Variants in BCAS3 observed in about 807,000 individuals in gnomAD.
BCAS3 encodes BCAS4/BCAS3 fusion.
A neutral mutation model predicts 116.1 loss-of-function variants in BCAS3; 53 were observed. The observed-to-expected ratio is 0.46, with a 90% CI of 0.37 to 0.57. The LOEUF is 0.57. Among genes scored for constraint, BCAS3 ranks in the 20% least tolerant of loss-of-function variants. BCAS3 has a pLI of 0.00. For missense variants in BCAS3, 917 were observed against 1,165.4 expected (o/e 0.79, Z 3.10); for synonymous variants, 391 against 408.2 (o/e 0.96, Z 0.51).
chr17:61,086,788 A>G (rs565238318), intron 22 of BCAS3: 2 of 985,416 alleles, frequency 2.0e-6, no homozygotes, highest in African/African-American at 1.7e-5. Flanking sequence ...ACTTTGAGCT[A>G]AAGAAGCCTC....
intron 22 of BCAS3, among the ~76,000 whole-genome samples, chr17:61,090,303 A>C (rs1368722803): frequency 2.0e-5 from 3 of 152,236 alleles, no homozygotes; most frequent in Non-Finnish European, 4.4e-5. Flanking sequence ...TGATGATTAT[A>C]AAGTGACAAA....
rs1472573140 is a variant in BCAS3 at position 61,312,524 on chromosome 17, G to A, written c.2426-55803G>A. On this transcript the variant is annotated intron_variant, in intron 22 of 23. Coordinates refer to ENST00000407086, the MANE Select transcript of BCAS3 (RefSeq NM_017679.5). ...AACAGGCTTTTCTTTAACAGCAGAC[G>A]TTCATGTCTTCTTGCTCCAACTTTT... Among the ~76,000 whole-genome samples, 5 of 152,180 alleles carry A rather than the reference G, an allele frequency of 3.3e-5. No homozygotes were observed. In the East Asian group the frequency reaches 5.8e-4, roughly 18 times the overall value.
Position 61,346,242 on chromosome 17 carries a change from G to A in BCAS3, c.2426-22085G>A, listed in dbSNP as rs2057496793. On this transcript the variant is annotated intron_variant, in intron 22 of 23. Coordinates refer to ENST00000407086, the MANE Select transcript of BCAS3 (RefSeq NM_017679.5). The surrounding 1 kb of genome is among the most constrained non-coding windows in gnomAD (Gnocchi z 5.4). Reference sequence around the variant, plus strand: ...CTGGAAGATCATTTCTTTGGAAGAGGTGATGTCATCCACAAAGAGCATTTG... The same window carrying A: ...CTGGAAGATCATTTCTTTGGAAGAGATGATGTCATCCACAAAGAGCATTTG... 6.6e-6 allele frequency among the ~76,000 whole-genome samples: 1 copy of A among 152,192 alleles called. No homozygotes were observed. The highest frequency in any genetic ancestry group is 1.5e-5 in the Non-Finnish European group (1 of 68,038).
In BCAS3 at chr17:61,082,775, T is replaced by C. The variant is rs959687925; in HGVS notation, c.2328-1692T>C. ...CCGAGATGTGATGAGATTACCATGA[T>C]TGGCTTAGAAAAATTAGCTGGGGTG... is the stretch of plus-strand genomic sequence containing the variant. On this transcript the variant is annotated intron_variant, in intron 21 of 23. Transcript: ENST00000407086. The surrounding 1 kb of genome is among the most constrained non-coding windows in gnomAD (Gnocchi z 5.1). Among the ~76,000 whole-genome samples the C allele has an allele frequency of 6.6e-6, 1 of 152,214 alleles. No homozygotes were observed. Among genetic ancestry groups the C allele is most frequent in the Non-Finnish European group, 1.5e-5 (1 of 68,036 alleles).
chr17:61,050,096 C>T (rs2068723434), intron 19 of BCAS3, among the ~76,000 whole-genome samples: 1 of 151,936 alleles, frequency 6.6e-6, no homozygotes, highest in African/African-American at 2.4e-5. Flanking sequence ...TCTGCCTTTG[C>T]CCCCTAAATC....
In BCAS3 at chr17:61,069,932, C is replaced by A. The variant is rs767178557; in HGVS notation, c.2030-4988C>A. ...CCTAAAGCCGAAGCCAAAGCGAAGG[C>A]TTTAAAGGCCAAGAAGGCAGTGTTG... On this transcript the variant is annotated intron_variant, in intron 19 of 23. Coordinates refer to ENST00000407086, the MANE Select transcript of BCAS3 (RefSeq NM_017679.5). 2.6e-5 allele frequency: 40 copies of A among 1,553,940 alleles called. No homozygotes were observed. In the South Asian group the frequency reaches 4.2e-4, roughly 16 times the overall value.
At position 61,060,283 on chromosome 17, in the gene BCAS3, C is replaced by T. The variant is rs1388747072; in HGVS notation, c.2030-14637C>T. ...CTGGGACTACAGGCGCCCACCACCA[C>T]ACCCGGCTAATTTTTTTTTTTTTGT... On this transcript the variant is annotated intron_variant, in intron 19 of 23. Transcript: ENST00000407086. Among the ~76,000 whole-genome samples, 4 of 151,366 alleles carry T rather than the reference C, an allele frequency of 2.6e-5. No homozygotes were observed. In the East Asian group the frequency reaches 5.9e-4, roughly 22 times the overall value.
chr17:60,797,002 C>T (rs929872212), intron 6 of BCAS3, among the ~76,000 whole-genome samples: 6 of 152,102 alleles, frequency 3.9e-5, no homozygotes, highest in Non-Finnish European at 8.8e-5. Context: ...TCAAGCGATT[C>T]TCCTGCTTCA....
intron 22 of BCAS3, among the ~76,000 whole-genome samples, chr17:61,187,766 G>A (rs2079865075): frequency 6.6e-6 from 1 of 152,036 alleles, no homozygotes; most frequent in Non-Finnish European, 1.5e-5. Flanking sequence ...CAGTCTTTGA[G>A]GTTAAGAGTG....
intron 19 of BCAS3, among the ~76,000 whole-genome samples, chr17:61,070,582 A>G (rs2071333837): frequency 6.6e-6 from 1 of 151,740 alleles, no homozygotes; most frequent in Admixed American, 6.6e-5. Context: ...ATGTATTAGT[A>G]CAAACTAAGA....
At chr17:60,837,738 C>A (rs1193860877) in intron 7 of BCAS3, among the ~76,000 whole-genome samples, 4 of 150,598 alleles carry the variant, frequency 2.7e-5, no homozygotes, top group Non-Finnish European at 5.9e-5. Flanking sequence ...ACTGCAACCT[C>A]TATCTCCTGG....
At chr17:60,986,655 A>G (rs1600236040) in intron 14 of BCAS3, among the ~76,000 whole-genome samples, 2 of 152,118 alleles carry the variant, frequency 1.3e-5, no homozygotes, top group African/African-American at 4.8e-5. Context: ...GAGAAAATCT[A>G]TTCATATCTT....
At position 60,942,881 on chromosome 17, in the gene BCAS3, A is replaced by G. The variant is rs188187968; in HGVS notation, c.1088-4338A>G. Reference sequence around the variant, plus strand: ...GGTAAACGTAGAAACCATCCTTCCCATAGAAAACATTTATGAAACCTGGAC... The same window carrying G: ...GGTAAACGTAGAAACCATCCTTCCCGTAGAAAACATTTATGAAACCTGGAC... On this transcript the variant is annotated intron_variant, in intron 13 of 23. Coordinates refer to ENST00000407086, the MANE Select transcript of BCAS3 (RefSeq NM_017679.5). Among the ~76,000 whole-genome samples, 812 of 152,304 alleles carry G rather than the reference A, an allele frequency of 5.3e-3. 30 individuals carry two copies. The highest frequency in any genetic ancestry group is 0.049 in the Admixed American group (743 of 15,290).
At chr17:60,784,511 G>A (rs57348474) in intron 6 of BCAS3, among the ~76,000 whole-genome samples, 1 of 151,050 alleles carries the variant, frequency 6.6e-6, no homozygotes, top group African/African-American at 2.4e-5. Flanking sequence ...TACCATGTTA[G>A]CCAGGATGGT....
intron 4 of BCAS3, among the ~76,000 whole-genome samples, chr17:60,693,804 TAAGTAA>T (rs996016418): frequency 2.0e-5 from 3 of 151,616 alleles, no homozygotes; most frequent in Admixed American, 6.6e-5. Flanking sequence ...GTAATTGTTT[TAAGTAA>T]AAAAGGGAAT....
chr17:61,116,371 A>G (rs2075452293), intron 22 of BCAS3, among the ~76,000 whole-genome samples: 2 of 152,182 alleles, frequency 1.3e-5, no homozygotes, highest in African/African-American at 2.4e-5. Flanking sequence ...GTCTACTGGT[A>G]TCACTATTTC....
chr17:60,852,574 G>A (rs2144812056), intron 7 of BCAS3, among the ~76,000 whole-genome samples: 1 of 152,210 alleles, frequency 6.6e-6, no homozygotes, highest in Non-Finnish European at 1.5e-5. Flanking sequence ...TGTTATGTAT[G>A]TTAAGAATTG....
rs938031990 is a variant in BCAS3 at position 61,343,186 on chromosome 17, A to G, written c.2426-25141A>G. On this transcript the variant is annotated intron_variant, in intron 22 of 23. Coordinates refer to ENST00000407086, the MANE Select transcript of BCAS3 (RefSeq NM_017679.5). This position sits in a 1 kb window ranked among gnomAD's most constrained non-coding sequence, Gnocchi z 5.5. ...AATGCCTCTATCATCCCTCTCTGCC[A>G]TGGCTCTTCATAAGCACGTTGGCCA... 5.3e-5 allele frequency among the ~76,000 whole-genome samples: 8 copies of G among 152,306 alleles called. No individual in the cohort carries two copies. The highest frequency in any genetic ancestry group is 1.0e-4 in the Non-Finnish European group (7 of 68,026).
chr17:61,361,942 A>C lies in BCAS3; in HGVS notation c.2426-6385A>C, dbSNP rs1485245487. The C allele has an allele frequency of 2.0e-5, 3 of 152,254 alleles. No individual in the cohort carries two copies. Among genetic ancestry groups the C allele is most frequent in the Admixed American group, 1.3e-4 (2 of 15,274 alleles). 9.4% of individuals were successfully genotyped at this position (152,254 alleles called of 1,614,324 possible). On this transcript the variant is annotated intron_variant, in intron 22 of 23. Coordinates refer to ENST00000407086, the MANE Select transcript of BCAS3 (RefSeq NM_017679.5). This position sits in a 1 kb window ranked among gnomAD's most constrained non-coding sequence, Gnocchi z 6.5. ...CTCAGTTGAATGATGCCTGCCCACA[A>C]TGGTGAGGGCAATCTTCTTTCCTCA...
Sources: allele counts gnomAD v4.1 joint callset (sites outside exome capture counted in the v4.1 genomes callset), GRCh38; gene constraint gnomAD v4.1.1; non-coding constraint Gnocchi (gnomAD v3.1); transcripts MANE v1.5; gene names NCBI Gene and HGNC (gene_info 2026-07-23, HGNC 2026-07-21).